The following PLXNA2 variants were observed in gnomAD, a reference collection of about 807,000 sequenced individuals.
PLXNA2 encodes the protein plexin A2.
A neutral mutation model predicts 193.5 loss-of-function variants in PLXNA2; 91 were observed. The ratio of observed to expected loss-of-function variants is 0.47; its 90% CI spans 0.40 to 0.56. The LOEUF (loss-of-function observed/expected upper bound fraction) is 0.56. Ranked by LOEUF, PLXNA2 falls within the 20% of genes least tolerant of loss-of-function variation. PLXNA2 has a pLI of 0.00. For synonymous variants in PLXNA2, 997 were observed against 1,027.3 expected, an observed-to-expected ratio of 0.97 and a Z score of 0.56; for missense variants, 1,995 against 2,503.2, an observed-to-expected ratio of 0.80 and a Z score of 4.33.
intron 26 of PLXNA2, among the ~76,000 whole-genome samples, chr1:208,036,153 G>C (rs841863): frequency 0.42 from 63,211 of 152,060 alleles, 13,829 homozygotes; most frequent in East Asian, 0.75. Flanking sequence ...GGACTGGGAG[G>C]GGGGCAGTCT....
intron 4 of PLXNA2, among the ~76,000 whole-genome samples, chr1:208,118,537 G>A (rs1232916645): frequency 6.6e-6 from 1 of 152,192 alleles, no homozygotes; most frequent in East Asian, 1.9e-4. Flanking sequence ...CCGGGGTCTT[G>A]TCCTGCCTGG....
At chr1:208,126,716 C>T (rs901695280) in intron 4 of PLXNA2, among the ~76,000 whole-genome samples, 2 of 152,156 alleles carry the variant, frequency 1.3e-5, no homozygotes, top group Admixed American at 1.3e-4. Context: ...CCCCACCATG[C>T]CATCCTGCCT....
At chr1:208,140,071 G>A (rs1204755829) in intron 4 of PLXNA2, among the ~76,000 whole-genome samples, 5 of 152,248 alleles carry the variant, frequency 3.3e-5, no homozygotes, top group Middle Eastern at 3.4e-3. Flanking sequence ...TCTGCTCATC[G>A]TGGCTGGCTA....
chr1:208,162,714 A>G (rs1310253600), intron 3 of PLXNA2, among the ~76,000 whole-genome samples: 1 of 152,172 alleles, frequency 6.6e-6, no homozygotes, highest in African/African-American at 2.4e-5. Flanking sequence ...CAATAGCTCT[A>G]TGAGGTAGGT....
intron 22 of PLXNA2, among the ~76,000 whole-genome samples, chr1:208,041,427 G>A (rs916022144): frequency 1.2e-4 from 19 of 152,236 alleles, no homozygotes; most frequent in African/African-American, 4.6e-4. Flanking sequence ...CAGTGGGCAT[G>A]TGTAGTGGAT....
intron 4 of PLXNA2, among the ~76,000 whole-genome samples, chr1:208,112,190 G>A (rs908284943): frequency 2.0e-5 from 3 of 152,130 alleles, no homozygotes; most frequent in Non-Finnish European, 4.4e-5. Context: ...GGTCCTGCAG[G>A]AGTCAAAGGG....
chr1:208,137,670 C>T (rs1668343627), intron 4 of PLXNA2, among the ~76,000 whole-genome samples: 1 of 152,170 alleles, frequency 6.6e-6, no homozygotes, highest in Non-Finnish European at 1.5e-5. Flanking sequence ...CAAATTTTCC[C>T]CTGGGACTGG....
chr1:208,029,031 C>G lies in PLXNA2; in HGVS notation c.5237G>C (p.Arg1746Pro), dbSNP rs758502236. 1 of 1,614,058 alleles carries G rather than the reference C, an allele frequency of 6.2e-7. No individual in the cohort carries two copies. Among genetic ancestry groups the G allele is most frequent in the Non-Finnish European group, 8.5e-7 (1 of 1,180,012 alleles). Reference protein sequence around the residue: ...HTWKSNCLPLRFWVNVIKNPQ... With the variant: ...HTWKSNCLPLPFWVNVIKNPQ... ...GTTCTTAATCACGTTCACCCAGAAG[C>G]GCAGAGGGAGGCTGTGGGGAAAGGC... The change falls in exon 30 of 32, where the codon CGC becomes CCC. Residue 1746 changes from arginine (R) to proline (P), a missense_variant. This residue lies in a region of PLXNA2 where 1,291 missense variants were observed against 1,673.6 expected (regional missense o/e 0.77). Transcript: ENST00000367033.
chr1:208,067,677 T>G (rs541737924), intron 12 of PLXNA2, among the ~76,000 whole-genome samples: 2 of 152,360 alleles, frequency 1.3e-5, no homozygotes, highest in Admixed American at 6.5e-5. Context: ...ACCAGTCACA[T>G]GCAGTACAGG....
chr1:208,185,696 C>CAAAAAAAAAAA (rs56384277), intron 3 of PLXNA2, among the ~76,000 whole-genome samples: 13 of 57,244 alleles, frequency 2.3e-4, no homozygotes, highest in African/African-American at 5.0e-4. Context: ...TCTCTGAAAG[C>CAAAAAAAAAAA]AAAAAAAAAA....
At position 208,027,207 on chromosome 1, in the gene PLXNA2, C is replaced by T. The variant is rs760886400; in HGVS notation, c.*36G>A. The T allele has an allele frequency of 6.5e-7, 1 of 1,547,274 alleles. No homozygotes were observed. Among genetic ancestry groups the T allele is most frequent in the South Asian group, 1.1e-5 (1 of 89,704 alleles). On this transcript the variant is annotated 3_prime_UTR_variant, in exon 32 of 32. Coordinates refer to ENST00000367033, the MANE Select transcript of PLXNA2 (RefSeq NM_025179.4). Reference sequence around the variant, plus strand: ...GAGACTCCCAGTGTGACAGCTTGGACAGGTCCCTCTTCCCAGGAATGCGAG... The same window carrying T: ...GAGACTCCCAGTGTGACAGCTTGGATAGGTCCCTCTTCCCAGGAATGCGAG...
intron 3 of PLXNA2, among the ~76,000 whole-genome samples, chr1:208,156,935 T>C (rs796511564): frequency 1.3e-5 from 2 of 152,304 alleles, no homozygotes; most frequent in African/African-American, 4.8e-5. Context: ...CATTTGTTAC[T>C]CCATAAGAAT....
chr1:208,033,599 T>C, intron 27 of PLXNA2, 90 bp from the exon 28 acceptor site: 1 of 1,095,840 alleles, frequency 9.1e-7, no homozygotes, highest in Non-Finnish European at 1.3e-6. Context: ...GCCTGCTGCA[T>C]CCACTCAGAA....
At chr1:208,060,566 C>T in intron 13 of PLXNA2, 120 bp downstream of exon 13, 1 of 1,041,858 alleles carries the variant, frequency 9.6e-7, no homozygotes, top group Non-Finnish European at 1.4e-6. Flanking sequence ...GGGGCAGGTC[C>T]ATGGGAGGAG....
chr1:208,147,346 A>G (rs559502649), intron 3 of PLXNA2, among the ~76,000 whole-genome samples: 40 of 152,336 alleles, frequency 2.6e-4, no homozygotes, highest in South Asian at 2.1e-3. Flanking sequence ...GAGGACATTT[A>G]GTCTAGCTCT....
intron 1 of PLXNA2, among the ~76,000 whole-genome samples, chr1:208,230,957 G>T (rs147453935): frequency 6.6e-6 from 1 of 152,190 alleles, no homozygotes; most frequent in East Asian, 1.9e-4. Flanking sequence ...TCTGGGCAGA[G>T]GTCTGACCAC....
At chr1:208,050,701 C>T (rs547419890) in intron 17 of PLXNA2, among the ~76,000 whole-genome samples, 5 of 151,932 alleles carry the variant, frequency 3.3e-5, no homozygotes, top group African/African-American at 9.7e-5. Context: ...GCCAAGCATG[C>T]GCCTGTGGTC....
chr1:208,033,701 T>G (rs1183344156), intron 27 of PLXNA2, among the ~76,000 whole-genome samples, 192 bp from the exon 28 acceptor site: 2 of 152,190 alleles, frequency 1.3e-5, no homozygotes, highest in Non-Finnish European at 2.9e-5. Context: ...CGGAAGAGCT[T>G]GAAGGCTTTT....
chr1:208,200,577 C>CTTTTTTTTTTTTTTTTTTTTTTTT (rs36026400), intron 3 of PLXNA2, among the ~76,000 whole-genome samples: 6 of 113,998 alleles, frequency 5.3e-5, no homozygotes, highest in Non-Finnish European at 8.4e-5. Flanking sequence ...CCCAATCCTT[C>CTTTTTTTTTTTTTTTTTTTTTTTT]TTTTTTTTTT....
Sources: allele counts gnomAD v4.1 joint callset (sites outside exome capture counted in the v4.1 genomes callset), GRCh38; gene constraint gnomAD v4.1.1; regional missense constraint gnomAD v4.1.1; transcripts MANE v1.5; gene names NCBI Gene and HGNC (gene_info 2026-07-23, HGNC 2026-07-21).